The following IPO5 variants were observed in gnomAD, a reference collection of about 807,000 sequenced individuals.
IPO5 encodes the protein importin-5.
In IPO5, 18 loss-of-function variants were observed where a neutral mutation model predicts 143.3. That is an observed-to-expected ratio of 0.13 (90% CI 0.09 to 0.19). IPO5 has a LOEUF of 0.19. IPO5 is among the 10% of genes least tolerant of loss of function. The probability of loss-of-function intolerance (pLI) is 1.00; values close to 1 mark genes in which losing one functional copy is unlikely to be tolerated. For synonymous variants in IPO5, 477 were observed against 465.7 expected, an observed-to-expected ratio of 1.02 and a Z score of -0.31; for missense variants, 1,013 against 1,336.9, an observed-to-expected ratio of 0.76 and a Z score of 3.78.
intron 18 of IPO5, 122 bp from the exon 19 acceptor site, chr13:98,009,759 A>G: frequency 1.4e-6 from 1 of 737,594 alleles, no homozygotes; most frequent in South Asian, 2.1e-5. Flanking sequence ...AAATGCTCTT[A>G]CTGCTTAAAG....
Position 98,009,927 on chromosome 13 carries a change from G to C in IPO5, c.1847G>C (p.Gly616Ala), listed in dbSNP as rs1276466447. ...SAWARMCKIL[G>A]KEFQQYLPVV... ...TGGGCCAGAATGTGCAAAATCCTTG[G>C]AAAAGAATTTCAGCAATACCTTCCA... Residue 616 changes from glycine (G) to alanine (A), a missense_variant, in exon 19 of 29, where the codon GGA becomes GCA. Transcript: ENST00000651721. 2.5e-6 allele frequency: 4 copies of C among 1,613,722 alleles called. No individual in the cohort carries two copies. The highest frequency in any genetic ancestry group is 2.5e-6 in the Non-Finnish European group (3 of 1,179,798).
rs1890522574 is a variant in IPO5, at chr13:98,021,906, C to T, written c.*84C>T. The T allele has an allele frequency of 7.6e-6, 7 of 922,266 alleles. No homozygotes were observed. The highest frequency in any genetic ancestry group is 2.1e-5 in the Admixed American group (1 of 46,620). The allele number at this position is 922,266 out of a possible 1,614,324, so 57.1% of individuals were successfully genotyped here. On this transcript the variant is annotated 3_prime_UTR_variant, in exon 29 of 29. Transcript: ENST00000651721. ...TAGGTTTCTTTGTTTTGTTTTTGAG[C>T]AAAAGAGATCGGTAGTGTTGTGTGT...
At chr13:97,980,826 CAAAAAAA>C (rs374921610) in intron 4 of IPO5, among the ~76,000 whole-genome samples, 3 of 108,810 alleles carry the variant, frequency 2.8e-5, no homozygotes, top group East Asian at 2.8e-4. Context: ...GACTCTATCT[CAAAAAAA>C]AAAAAAAAAA....
At chr13:97,979,753 A>C in intron 4 of IPO5, 4 of 389,398 alleles carry the variant, frequency 1.0e-5, no homozygotes, top group South Asian at 5.8e-5. Context: ...GCTGGTCTTG[A>C]ACTCCTGGCC....
At chr13:97,984,071 C>T (rs1465508336) in intron 5 of IPO5, among the ~76,000 whole-genome samples, 15 of 143,170 alleles carry the variant, frequency 1.0e-4, no homozygotes, top group African/African-American at 3.7e-4. Context: ...CTCCGCCTCC[C>T]GGGTTCACGC....
At chr13:97,955,128 CTGAGG>C (rs1395334511) in intron 2 of IPO5, among the ~76,000 whole-genome samples, 4 of 151,790 alleles carry the variant, frequency 2.6e-5, no homozygotes, top group Admixed American at 2.0e-4. Flanking sequence ...ACTCAGGAGG[CTGAGG>C]TGAGAGGATT....
At position 97,993,208 on chromosome 13, in the gene IPO5, A is replaced by G. The variant is rs1435279664; in HGVS notation, c.896A>G (p.Asn299Ser). The change falls in exon 11 of 29, where the codon AAT becomes AGT. Residue 299 changes from asparagine to serine, a missense_variant. Physicochemically the swap from Asn to Ser is conservative, Grantham distance 46. Transcript: ENST00000651721. ...GCTGCTATGTTAAGAAAACATACCA[A>G]TATTGTTGCACAGACTAGTAAGTCA... is the stretch of plus-strand genomic sequence containing the variant. ...TAAAMLRKHT[N>S]IVAQTIPQML... 14 of 1,613,950 alleles carry G rather than the reference A, an allele frequency of 8.7e-6. No individual in the cohort carries two copies. Among genetic ancestry groups the G allele is most frequent in the East Asian group, 4.5e-5 (2 of 44,876 alleles).
intron 4 of IPO5, among the ~76,000 whole-genome samples, chr13:97,981,051 T>C (rs1886799801): frequency 6.6e-6 from 1 of 152,204 alleles, no homozygotes; most frequent in East Asian, 1.9e-4. Flanking sequence ...GCATTCAGCT[T>C]GTGAATATCT....
chr13:97,997,474 G>C, intron 11 of IPO5, 57 bp from the exon 12 acceptor site: 2 of 881,484 alleles, frequency 2.3e-6, no homozygotes, highest in Non-Finnish European at 3.6e-6. Flanking sequence ...TTTATAAATA[G>C]TGATATGGAT....
intron 9 of IPO5, among the ~76,000 whole-genome samples, chr13:97,992,491 G>C (rs961837435): frequency 6.6e-6 from 1 of 152,128 alleles, no homozygotes; most frequent in South Asian, 2.1e-4. Context: ...CACAAGAGTT[G>C]GAGGGTACTG....
chr13:97,958,446 G>C (rs1270146358), intron 2 of IPO5, among the ~76,000 whole-genome samples: 1 of 152,138 alleles, frequency 6.6e-6, no homozygotes, highest in Admixed American at 6.6e-5. Context: ...ACCATCGGGA[G>C]AGGACTCATC....
chr13:97,963,497 G>A (rs748053565), intron 2 of IPO5, among the ~76,000 whole-genome samples: 3 of 151,568 alleles, frequency 2.0e-5, no homozygotes, highest in Non-Finnish European at 4.4e-5. Context: ...AGCCTCCCAA[G>A]TAGCTGGGAC....
chr13:98,011,444 C>T (rs1889708565), intron 20 of IPO5, among the ~76,000 whole-genome samples: 2 of 152,084 alleles, frequency 1.3e-5, no homozygotes, highest in African/African-American at 4.8e-5. Context: ...GTGCACGCCA[C>T]CATGCCTGGC....
intron 7 of IPO5, 55 bp from the exon 8 acceptor site, chr13:97,990,071 T>G: frequency 9.4e-7 from 1 of 1,059,028 alleles, no homozygotes; most frequent in Non-Finnish European, 1.5e-6. Context: ...AGCTCATACT[T>G]TACCAAGATA....
intron 11 of IPO5, among the ~76,000 whole-genome samples, chr13:97,997,000 A>G (rs931606308): frequency 2.4e-4 from 36 of 152,226 alleles, no homozygotes; most frequent in Non-Finnish European, 4.4e-4. Context: ...CAAATTTTAT[A>G]GGAGGAAAAA....
chr13:97,975,992 T>C (rs1395022765), intron 3 of IPO5: 1 of 982,518 alleles, frequency 1.0e-6, no homozygotes, highest in Non-Finnish European at 1.2e-6. Flanking sequence ...AGTCCGTGAG[T>C]AGAAGGTACG....
chr13:97,992,976 C>T lies in IPO5; in HGVS notation c.754C>T (p.Arg252Cys). 6 of 1,613,608 alleles carry T rather than the reference C, an allele frequency of 3.7e-6. No individual in the cohort carries two copies. The highest frequency in any genetic ancestry group is 2.7e-5 in the African/African-American group (2 of 75,032). ...EIADTVPKYL[R>C]PHLEATLQLS... ...TGCAGATACTGTTCCAAAGTATTTG[C>T]GTCCTCACTTGGAAGCAACTCTACA... Residue 252 changes from arginine to cysteine, a missense_variant, in exon 10 of 29, where the codon CGT becomes TGT. Arg to Cys is a radical substitution (Grantham distance 180). This residue lies in a region of IPO5 where 328 missense variants were observed against 342.0 expected (regional missense o/e 0.96). Coordinates refer to ENST00000651721, the MANE Select transcript of IPO5 (RefSeq NM_002271.6).
chr13:98,014,345 G>T, intron 22 of IPO5, 131 bp downstream of exon 22: 1 of 585,782 alleles, frequency 1.7e-6, no homozygotes, highest in East Asian at 3.1e-5. Flanking sequence ...TGGCGCAATC[G>T]CAGCTCACTG....
At chr13:97,964,759 A>G (rs1787053679) in intron 2 of IPO5, among the ~76,000 whole-genome samples, 1 of 151,982 alleles carries the variant, frequency 6.6e-6, no homozygotes, top group South Asian at 2.1e-4. Flanking sequence ...TCCCAGCACC[A>G]TTTCTTATAT....
Sources: gnomAD v4.1 joint callset for allele counts (sites outside exome capture counted in the v4.1 genomes callset) on GRCh38, gnomAD v4.1.1 for gene constraint, gnomAD v4.1.1 regional missense constraint, MANE v1.5 for transcripts, NCBI Gene and HGNC (gene_info 2026-07-23, HGNC 2026-07-21) for gene names.